PKHD1: variants seen among roughly 807,000 people sequenced by gnomAD.
PKHD1 encodes the protein fibrocystin.
In PKHD1, 291 loss-of-function variants were observed where a neutral mutation model predicts 412.0. The ratio of observed to expected loss-of-function variants is 0.71; its 90% CI spans 0.64 to 0.78. PKHD1 has a LOEUF of 0.78. Among genes scored for constraint, PKHD1 ranks in the 30% least tolerant of loss-of-function variants. The pLI, the probability that PKHD1 is intolerant of heterozygous loss-of-function variation, is 0.00. For synonymous variants in PKHD1, 1,777 were observed against 1,821.5 expected, an observed-to-expected ratio of 0.98 and a Z score of 0.62; for missense variants, 4,825 against 4,950.7, an observed-to-expected ratio of 0.97 and a Z score of 0.76.
chr6:51,760,122 TATA>T (rs1020968333), intron 55 of PKHD1, among the ~76,000 whole-genome samples: 2 of 152,124 alleles, frequency 1.3e-5, no homozygotes, highest in Non-Finnish European at 1.5e-5. Flanking sequence ...ACTAAGTTGT[TATA>T]ATAATAAAGT....
intron 35 of PKHD1, among the ~76,000 whole-genome samples, chr6:51,960,542 T>C (rs1038015967): frequency 1.3e-5 from 2 of 152,178 alleles, no homozygotes; most frequent in Non-Finnish European, 2.9e-5. Flanking sequence ...CTGGCTCTAC[T>C]GCCAAGAGTC....
rs532453502 is a variant in PKHD1, at chr6:52,057,112, C to G, written c.1513-133G>C. ...TAATTTTAACTTTTCAATGCTTTAA[C>G]ATTCAGAAATCTCTGAGGAACACAG... is the stretch of plus-strand genomic sequence containing the variant. On this transcript the variant is annotated intron_variant, in intron 16 of 66. Transcript: ENST00000371117. 889 of 713,696 alleles carry G rather than the reference C, an allele frequency of 1.2e-3. 7 individuals are homozygous for G. In the African/African-American group the frequency reaches 0.013, roughly 10 times the overall value. The allele number at this position is 713,696 out of a possible 1,614,324, so 44.2% of individuals were successfully genotyped here.
rs546194044 is a variant in PKHD1 at position 51,857,583 on chromosome 6, T to C, written c.7734-1513A>G. Among the ~76,000 whole-genome samples, 32 of 152,320 alleles carry C rather than the reference T, an allele frequency of 2.1e-4. 1 individual carries two copies. The highest frequency in any genetic ancestry group is 7.7e-4 in the African/African-American group (32 of 41,568). ...AAAATGGAGGCAACAATAGAATAGA[T>C]CTCATATAGGTACTATGAAACATAA... On this transcript the variant is annotated intron_variant, in intron 48 of 66. Transcript: ENST00000371117.
chr6:51,690,693 A>G (rs113588014), intron 60 of PKHD1, among the ~76,000 whole-genome samples: 1 of 152,198 alleles, frequency 6.6e-6, no homozygotes. Context: ...TAAATGTGAA[A>G]CCCACAACTG....
chr6:51,932,521 C>T (rs1204150630), intron 37 of PKHD1, among the ~76,000 whole-genome samples: 1 of 152,130 alleles, frequency 6.6e-6, no homozygotes, highest in Non-Finnish European at 1.5e-5. Flanking sequence ...CCCAGATGCA[C>T]TTTTTTACTG....
At chr6:51,951,067 T>G (rs1301732440) in intron 36 of PKHD1, among the ~76,000 whole-genome samples, 1 of 152,188 alleles carries the variant, frequency 6.6e-6, no homozygotes, top group Non-Finnish European at 1.5e-5. Context: ...AGTGTAAACA[T>G]ATCTGTGGAA....
At chr6:51,994,645 A>G (rs1797504533) in intron 35 of PKHD1, among the ~76,000 whole-genome samples, 1 of 151,902 alleles carries the variant, frequency 6.6e-6, no homozygotes, top group Non-Finnish European at 1.5e-5. Context: ...GCAGTGGCAT[A>G]ATCATGACTC....
intron 5 of PKHD1, among the ~76,000 whole-genome samples, chr6:52,078,789 T>C (rs1811656841): frequency 6.6e-6 from 1 of 152,244 alleles, no homozygotes; most frequent in Non-Finnish European, 1.5e-5. Flanking sequence ...TCTTCTGTTA[T>C]GTTCCCTGAG....
chr6:51,797,394 T>C (rs1794781641), intron 52 of PKHD1, among the ~76,000 whole-genome samples: 1 of 152,166 alleles, frequency 6.6e-6, no homozygotes, highest in Admixed American at 6.5e-5. Context: ...ATATTGTCAG[T>C]GGGGTGTTAA....
chr6:51,763,652 T>C (rs1788422608), intron 55 of PKHD1, among the ~76,000 whole-genome samples: 1 of 152,098 alleles, frequency 6.6e-6, no homozygotes, highest in South Asian at 2.1e-4. Context: ...ATGACACCAC[T>C]ATCCAGCTAC....
intron 52 of PKHD1, among the ~76,000 whole-genome samples, chr6:51,811,476 CTT>C (rs1385278826): frequency 1.3e-5 from 2 of 152,124 alleles, no homozygotes; most frequent in Non-Finnish European, 2.9e-5. Context: ...TGAATATAGA[CTT>C]AACTTTTTTG....
chr6:51,820,622 T>C (rs1290216554), intron 52 of PKHD1, among the ~76,000 whole-genome samples: 1 of 152,206 alleles, frequency 6.6e-6, no homozygotes, highest in Non-Finnish European at 1.5e-5. Context: ...ATTTAGAGAA[T>C]GGGTCTAGGC....
chr6:51,654,762 A>G (rs1771541587), intron 61 of PKHD1, among the ~76,000 whole-genome samples: 1 of 152,132 alleles, frequency 6.6e-6, no homozygotes, highest in South Asian at 2.1e-4. Context: ...CAGTATACGA[A>G]AAATAGTACC....
At chr6:51,690,335 C>T (rs996549590) in intron 60 of PKHD1, among the ~76,000 whole-genome samples, 2 of 144,178 alleles carry the variant, frequency 1.4e-5, no homozygotes, top group Non-Finnish European at 3.0e-5. Flanking sequence ...GTACATGGAA[C>T]CAAAAAAGAG....
At chr6:52,049,201 C>T (rs536224764) in intron 22 of PKHD1, among the ~76,000 whole-genome samples, 1 of 152,300 alleles carries the variant, frequency 6.6e-6, no homozygotes, top group African/African-American at 2.4e-5. Flanking sequence ...TACAGCCTAC[C>T]ACACACCTAG....
At chr6:51,917,195 G>GGAGA (rs70977317) in intron 37 of PKHD1, among the ~76,000 whole-genome samples, 141 of 113,924 alleles carry the variant, frequency 1.2e-3, no homozygotes, top group East Asian at 2.8e-3. Context: ...GAGGTGGGGG[G>GGAGA]GAGAGAGAGA....
At chr6:51,680,811 A>G (rs756502717) in intron 60 of PKHD1, among the ~76,000 whole-genome samples, 1 of 152,040 alleles carries the variant, frequency 6.6e-6, no homozygotes, top group East Asian at 1.9e-4. Flanking sequence ...AAATTAAACT[A>G]TTGTAAAGAT....
chr6:51,797,247 G>A (rs952990129), intron 52 of PKHD1, among the ~76,000 whole-genome samples: 2 of 152,176 alleles, frequency 1.3e-5, no homozygotes, highest in African/African-American at 4.8e-5. Flanking sequence ...AGTAAGTGCT[G>A]TGTGGTGATG....
Position 51,694,548 on chromosome 6 carries a change from C to G in PKHD1, c.10157-34579G>C, listed in dbSNP as rs191980170. Among the ~76,000 whole-genome samples, 172 of 37,704 alleles carry G rather than the reference C, an allele frequency of 4.6e-3. 1 individual carries two copies. Among genetic ancestry groups the G allele is most frequent in the African/African-American group, 0.017 (161 of 9,236 alleles). The allele number at this position is 37,704 out of a possible 152,430, so 24.7% of individuals were successfully genotyped here. A position where few individuals can be genotyped will look rare whatever the true frequency, so the allele number is the denominator to read the frequency against. On this transcript the variant is annotated intron_variant, in intron 60 of 66. Coordinates refer to ENST00000371117, the MANE Select transcript of PKHD1 (RefSeq NM_138694.4). ...ACAGGTGCCCGCCACCACAACCAGCCTTTTTTTTTTTTTTTTTTTTTTTTT... is the reference window on the plus strand; with the variant it reads ...ACAGGTGCCCGCCACCACAACCAGCGTTTTTTTTTTTTTTTTTTTTTTTTT...
Sources: allele counts gnomAD v4.1 joint callset (sites outside exome capture counted in the v4.1 genomes callset), GRCh38; gene constraint gnomAD v4.1.1; transcripts MANE v1.5; gene names NCBI Gene and HGNC (gene_info 2026-07-23, HGNC 2026-07-21).